The following AGK variants were observed in gnomAD, a reference collection of about 807,000 sequenced individuals.
AGK encodes acylglycerol kinase, mitochondrial.
In AGK, 52 loss-of-function variants were observed where a neutral mutation model predicts 66.4. The observed-to-expected ratio is 0.78, with a 90% CI of 0.63 to 0.99. AGK has a LOEUF of 0.99. Among genes scored for constraint, AGK ranks in the 50% least tolerant of loss-of-function variants. The probability of loss-of-function intolerance (pLI) is 0.00; values close to 1 mark genes in which losing one functional copy is unlikely to be tolerated. For synonymous variants in AGK, 182 were observed against 181.1 expected, an observed-to-expected ratio of 1.00 and a Z score of -0.04; for missense variants, 451 against 506.6, an observed-to-expected ratio of 0.89 and a Z score of 1.05.
At chr7:141,645,913 A>G (rs1416630401) in intron 13 of AGK, among the ~76,000 whole-genome samples, 2 of 152,168 alleles carry the variant, frequency 1.3e-5, no homozygotes, top group Non-Finnish European at 2.9e-5. Context: ...TACCTTAAAC[A>G]CCTTAAAAAT....
In AGK at chr7:141,641,367, G is replaced by A. The variant is rs1797284582; in HGVS notation, c.846G>A (p.Arg282=). The A allele has an allele frequency of 6.2e-7, 1 of 1,613,126 alleles. No homozygotes were observed. The highest frequency in any genetic ancestry group is 1.3e-5 in the African/African-American group (1 of 74,856). Residue 282 remains arginine, a synonymous_variant, in exon 12 of 16, where the codon AGG becomes AGA. Coordinates refer to ENST00000649286, the MANE Select transcript of AGK (RefSeq NM_018238.4). ...CTTTGTACAGGAGAATATTACGAAG[G>A]CTTGCGTCCTACTGGGCACAACCAC... ...RPSLYRRILR[R]LASYWAQPQD... is the part of the protein sequence containing the mutation.
At position 141,652,504 on chromosome 7, in the gene AGK, A is replaced by G. The variant is rs569504182; in HGVS notation, c.1132-283A>G. The G allele has an allele frequency of 1.2e-3, 336 of 270,544 alleles. 2 individuals carry two copies. The highest frequency in any genetic ancestry group is 6.5e-3 in the African/African-American group (304 of 47,114). The allele number at this position is 270,544 out of a possible 1,614,324, so 16.8% of individuals were successfully genotyped here. A position where few individuals can be genotyped will look rare whatever the true frequency, so the allele number is the denominator to read the frequency against. Reference sequence around the variant, plus strand: ...GCCTTTTAATACATATTTGAAAATTATAACCATGTTGTTCAAATCCCAAAA... The same window carrying G: ...GCCTTTTAATACATATTTGAAAATTGTAACCATGTTGTTCAAATCCCAAAA... On this transcript the variant is annotated intron_variant, in intron 15 of 15. Coordinates refer to ENST00000649286, the MANE Select transcript of AGK (RefSeq NM_018238.4).
chr7:141,563,263 C>T (rs1795391341), intron 2 of AGK, among the ~76,000 whole-genome samples: 1 of 152,228 alleles, frequency 6.6e-6, no homozygotes, highest in African/African-American at 2.4e-5. Context: ...TTTTATCTGT[C>T]ATCTTGCTCC....
chr7:141,622,467 A>G (rs564849152), intron 9 of AGK, among the ~76,000 whole-genome samples: 5 of 152,280 alleles, frequency 3.3e-5, no homozygotes, highest in East Asian at 1.9e-4. Context: ...TCTGTGTCAC[A>G]TTTTGGTAAT....
At chr7:141,587,023 G>C (rs1796008043) in intron 2 of AGK, among the ~76,000 whole-genome samples, 2 of 152,080 alleles carry the variant, frequency 1.3e-5, no homozygotes, top group African/African-American at 4.8e-5. Flanking sequence ...CCTCCACCCG[G>C]GTTCTCACCC....
rs1160470369 is a variant in AGK at position 141,641,802 on chromosome 7, T to C, written c.878-9T>C. 1 of 1,566,098 alleles carries C rather than the reference T, an allele frequency of 6.4e-7. No homozygotes were observed. Among genetic ancestry groups the C allele is most frequent in the South Asian group, 1.2e-5 (1 of 85,044 alleles). On this transcript the variant is annotated splice_polypyrimidine_tract_variant and intron_variant, in intron 12 of 15. Coordinates refer to ENST00000649286, the MANE Select transcript of AGK (RefSeq NM_018238.4). ...AAGAAACTGACCTGTATCTAATGGATTCCCACAGCCCTTTCCCAAGAGGTG... is the reference window on the plus strand; with the variant it reads ...AAGAAACTGACCTGTATCTAATGGACTCCCACAGCCCTTTCCCAAGAGGTG...
intron 14 of AGK, chr7:141,650,758 CG>C: frequency 1.2e-6 from 1 of 847,894 alleles, no homozygotes; most frequent in Non-Finnish European, 1.4e-6. Context: ...AGTCATCCCA[CG>C]GTATCCTTGG....
intron 13 of AGK, among the ~76,000 whole-genome samples, chr7:141,642,359 A>G (rs1404550836): frequency 6.6e-6 from 1 of 152,218 alleles, no homozygotes; most frequent in East Asian, 1.9e-4. Context: ...TTTAGGCCCA[A>G]TCTATAGGTA....
chr7:141,621,876 G>T, intron 9 of AGK, 75 bp downstream of exon 9: 1 of 1,131,016 alleles, frequency 8.8e-7, no homozygotes, highest in Non-Finnish European at 1.3e-6. Flanking sequence ...ATAAAATGTA[G>T]CAGTTCAAAT....
At chr7:141,566,189 G>T (rs1587067345) in intron 2 of AGK, among the ~76,000 whole-genome samples, 1 of 152,146 alleles carries the variant, frequency 6.6e-6, no homozygotes, top group African/African-American at 2.4e-5. Flanking sequence ...AGCCTTCTTT[G>T]TCCTCTCTAG....
chr7:141,582,626 T>G (rs1795904251), intron 2 of AGK, among the ~76,000 whole-genome samples: 1 of 151,954 alleles, frequency 6.6e-6, no homozygotes, highest in African/African-American at 2.4e-5. Context: ...TTTTTATATT[T>G]GATGAAAAAG....
At position 141,637,137 on chromosome 7, in the gene AGK, A is replaced by G. The variant is rs947646913; in HGVS notation, c.726+120A>G. ...GATGAATGTGGCATGCTTCAACACT[A>G]AAACAGGGCATGTTTGATTAAATAC... On this transcript the variant is annotated intron_variant, in intron 11 of 15. Transcript: ENST00000649286. The G allele has an allele frequency of 2.0e-5, 14 of 717,568 alleles. No homozygotes were observed. In the African/African-American group the frequency reaches 2.5e-4, roughly 13 times the overall value. 44.5% of individuals were successfully genotyped at this position (717,568 alleles called of 1,614,324 possible).
At chr7:141,588,311 T>C (rs1457909370) in intron 2 of AGK, among the ~76,000 whole-genome samples, 3 of 151,998 alleles carry the variant, frequency 2.0e-5, no homozygotes, top group African/African-American at 7.2e-5. Context: ...GGCGACTCCA[T>C]AGAGTGAAGT....
chr7:141,573,246 A>T (rs930351594), intron 2 of AGK, among the ~76,000 whole-genome samples: 2 of 152,178 alleles, frequency 1.3e-5, no homozygotes, highest in African/African-American at 2.4e-5. Context: ...CCCAGATTTG[A>T]TAGGGAATAG....
intron 9 of AGK, among the ~76,000 whole-genome samples, chr7:141,625,141 C>T (rs1362395456): frequency 1.3e-5 from 2 of 152,080 alleles, no homozygotes; most frequent in African/African-American, 2.4e-5. Flanking sequence ...CTTTTTTTGA[C>T]ATAATGCTGT....
In AGK at chr7:141,653,104, C is replaced by T. The variant is rs1797605111; in HGVS notation, c.*180C>T. 1.6e-6 allele frequency: 1 copy of T among 639,348 alleles called. No homozygotes were observed. The highest frequency in any genetic ancestry group is 1.8e-5 in the African/African-American group (1 of 54,772). The allele number at this position is 639,348 out of a possible 1,614,324, so 39.6% of individuals were successfully genotyped here. ...AAAGTGTGCTCTGTCACCTGCTTTG[C>T]AATCGGCTTCCATTAGCGCATGTTT... On this transcript the variant is annotated 3_prime_UTR_variant, in exon 16 of 16. Coordinates refer to ENST00000649286, the MANE Select transcript of AGK (RefSeq NM_018238.4).
At chr7:141,638,513 TG>T (rs1156627674) in intron 11 of AGK, among the ~76,000 whole-genome samples, 1 of 152,132 alleles carries the variant, frequency 6.6e-6, no homozygotes, top group Non-Finnish European at 1.5e-5. Context: ...TTAGAAAAAT[TG>T]TTTTTTTCTA....
intron 5 of AGK, among the ~76,000 whole-genome samples, chr7:141,606,185 A>G (rs887350686): frequency 2.0e-5 from 3 of 152,204 alleles, no homozygotes; most frequent in African/African-American, 7.2e-5. Context: ...GTTCTATCCC[A>G]TGGGTTCATG....
chr7:141,561,085 GC>G (rs1321218505), intron 2 of AGK, among the ~76,000 whole-genome samples: 2 of 152,142 alleles, frequency 1.3e-5, no homozygotes, highest in African/African-American at 4.8e-5. Context: ...GAGCCACCGC[GC>G]CCGGCCCATT....
Sources: gnomAD v4.1 joint callset for allele counts (sites outside exome capture counted in the v4.1 genomes callset) on GRCh38, gnomAD v4.1.1 for gene constraint, MANE v1.5 for transcripts, NCBI Gene and HGNC (gene_info 2026-07-23, HGNC 2026-07-21) for gene names.